Variants in SMAP2 observed in about 807,000 individuals in gnomAD.
SMAP2 encodes the protein small ArfGAP2.
A neutral mutation model predicts 56.4 loss-of-function variants in SMAP2; 25 were observed. The ratio of observed to expected loss-of-function variants is 0.44; its 90% CI spans 0.32 to 0.62. SMAP2 has a LOEUF of 0.62. Ranked by LOEUF, SMAP2 falls within the 20% of genes least tolerant of loss-of-function variation. SMAP2 has a pLI of 0.04. For synonymous variants in SMAP2, 157 were observed against 181.7 expected, an observed-to-expected ratio of 0.86 and a Z score of 1.09; for missense variants, 388 against 545.6, an observed-to-expected ratio of 0.71 and a Z score of 2.88.
At chr1:40,403,043 TA>T (rs1184597586) in intron 1 of SMAP2, among the ~76,000 whole-genome samples, 1 of 152,084 alleles carries the variant, frequency 6.6e-6, no homozygotes, top group Non-Finnish European at 1.5e-5. Context: ...GGTGAGGGTT[TA>T]AAAAGTGCAT....
chr1:40,403,634 A>G, intron 1 of SMAP2: 1 of 984,078 alleles, frequency 1.0e-6, no homozygotes. Flanking sequence ...ACCTTATTCT[A>G]TACCACATCC....
At chr1:40,351,243 G>C (rs758282252) in intron 1 of SMAP2, among the ~76,000 whole-genome samples, 4 of 152,198 alleles carry the variant, frequency 2.6e-5, no homozygotes, top group Non-Finnish European at 5.9e-5. Context: ...TTATTGGAGA[G>C]AGGAGGGACT....
chr1:40,415,495 G>C lies in SMAP2; in HGVS notation c.681+114G>C, dbSNP rs1437751698. 2.5e-5 allele frequency: 19 copies of C among 751,598 alleles called. No homozygotes were observed. The Admixed American group carries it at 2.7e-4, about 11-fold the overall frequency. 46.6% of individuals were successfully genotyped at this position (751,598 alleles called of 1,614,324 possible). On this transcript the variant is annotated intron_variant, in intron 7 of 9. Coordinates refer to ENST00000372718, the MANE Select transcript of SMAP2 (RefSeq NM_022733.3). ...GGTGGAGTTGGACTTTGGTTTTCTT[G>C]ATTCTTCATTCTTCCCTTAACATTG...
At position 40,374,071 on chromosome 1, in the gene SMAP2, C is replaced by T; in HGVS notation, c.-50C>T. The T allele has an allele frequency of 5.5e-6, 8 of 1,463,192 alleles. No homozygotes were observed. Among genetic ancestry groups the T allele is most frequent in the Non-Finnish European group, 7.6e-6 (8 of 1,056,780 alleles). 90.6% of individuals were successfully genotyped at this position (1,463,192 alleles called of 1,614,324 possible). On this transcript the variant is annotated 5_prime_UTR_variant, in exon 1 of 10. Transcript: ENST00000372718. The surrounding 1 kb of genome is among the most constrained non-coding windows in gnomAD (Gnocchi z 5.9). Reference sequence around the variant, plus strand: ...CAACCCCGGACTGAGGCAGGGGTCTCTGGGGGCGAGGAGGGCGCGTCGCCC... The same window carrying T: ...CAACCCCGGACTGAGGCAGGGGTCTTTGGGGGCGAGGAGGGCGCGTCGCCC...
chr1:40,359,188 T>C (rs1644449058), intron 1 of SMAP2, among the ~76,000 whole-genome samples: 1 of 152,214 alleles, frequency 6.6e-6, no homozygotes, highest in South Asian at 2.1e-4. Context: ...CTGCAACCTC[T>C]GTCTCCCAGG....
chr1:40,387,652 A>G (rs1485939701), intron 1 of SMAP2, among the ~76,000 whole-genome samples: 1 of 152,116 alleles, frequency 6.6e-6, no homozygotes, highest in Non-Finnish European at 1.5e-5. Flanking sequence ...CCACAGCAAG[A>G]TGGGCCGGCA....
chr1:40,398,251 C>T (rs1332159536), intron 1 of SMAP2, among the ~76,000 whole-genome samples: 1 of 151,486 alleles, frequency 6.6e-6, no homozygotes, highest in African/African-American at 2.4e-5. Flanking sequence ...TATTTTTTGA[C>T]AAGGTCTCAC....
intron 1 of SMAP2, among the ~76,000 whole-genome samples, chr1:40,350,314 C>T (rs1644404673): frequency 6.6e-6 from 1 of 152,082 alleles, no homozygotes; most frequent in Non-Finnish European, 1.5e-5. Context: ...TATACAAGTA[C>T]CAGACACATA....
At chr1:40,416,718 A>G (rs1454523386) in intron 8 of SMAP2, 62 bp from the exon 9 acceptor site, 2 of 1,492,446 alleles carry the variant, frequency 1.3e-6, no homozygotes, top group Non-Finnish European at 9.1e-7. Flanking sequence ...AGCCAGGGAG[A>G]GTTCGGGCTG....
chr1:40,363,552 TAGA>T (rs1644467924), intron 2 of SMAP2, among the ~76,000 whole-genome samples: 1 of 151,766 alleles, frequency 6.6e-6, no homozygotes, highest in Non-Finnish European at 1.5e-5. Flanking sequence ...TGGCCAAAAA[TAGA>T]AGACCTCACC....
intron 1 of SMAP2, among the ~76,000 whole-genome samples, chr1:40,404,564 A>T (rs1644867651): frequency 6.6e-6 from 1 of 152,178 alleles, no homozygotes; most frequent in Non-Finnish European, 1.5e-5. Context: ...ACAGTGTAAC[A>T]TTTCACAGCT....
intron 1 of SMAP2, among the ~76,000 whole-genome samples, chr1:40,383,243 AG>A (rs1357747852): frequency 6.6e-6 from 1 of 152,212 alleles, no homozygotes; most frequent in Non-Finnish European, 1.5e-5. Context: ...TGTGAGCGGA[AG>A]CATGGAAAGA....
In SMAP2 at chr1:40,416,893, G is replaced by A. The variant is rs1296846015; in HGVS notation, c.961G>A (p.Val321Ile). 1.2e-5 allele frequency: 20 copies of A among 1,614,210 alleles called. No individual in the cohort carries two copies. The highest frequency in any genetic ancestry group is 1.5e-5 in the Non-Finnish European group (18 of 1,180,022). Residue 321 changes from valine (V) to isoleucine (I), a missense_variant, in exon 9 of 10, where the codon GTT becomes ATT. By Grantham distance (29) the Val-to-Ile change is conservative. Transcript: ENST00000372718. The stretch of plus-strand genomic sequence containing the variant: ...CATGATGCCTCCACCAGTAGGCATG[G>A]TTGCTCAGCCAGGAGCTTCTGGGAT... Reference protein sequence around the residue: ...GSMMPPPVGMVAQPGASGMVA... With the variant: ...GSMMPPPVGMIAQPGASGMVA...
At chr1:40,407,633 A>G (rs1227403917) in intron 2 of SMAP2, among the ~76,000 whole-genome samples, 2 of 152,220 alleles carry the variant, frequency 1.3e-5, no homozygotes, top group African/African-American at 2.4e-5. Context: ...ATTAAAATGT[A>G]TCCATTTTTG....
chr1:40,415,986 G>T (rs772508333), intron 7 of SMAP2, among the ~76,000 whole-genome samples, 190 bp from the exon 8 acceptor site: 1 of 152,170 alleles, frequency 6.6e-6, no homozygotes, highest in Non-Finnish European at 1.5e-5. Flanking sequence ...TTGGTGAAAG[G>T]AAAGAATTGT....
At chr1:40,346,227 CT>C (rs1281472728) in intron 1 of SMAP2, among the ~76,000 whole-genome samples, 1 of 151,788 alleles carries the variant, frequency 6.6e-6, no homozygotes, top group Admixed American at 6.6e-5. Flanking sequence ...CCCTTCACCC[CT>C]ATATAAATAC....
Position 40,415,358 on chromosome 1 carries a change from CCTT to C in SMAP2, c.666_668del (p.Ser223del), listed in dbSNP as rs764601501. The stretch of plus-strand genomic sequence containing the variant: ...AGATCTGTTGGCCTCTGTTCCATCC[CCTT>C]CTTCTTCCGGTTCCAGAAAGGTGAG... On this transcript the variant is annotated inframe_deletion, in exon 7 of 10. Coordinates refer to ENST00000372718, the MANE Select transcript of SMAP2 (RefSeq NM_022733.3). 7.4e-6 allele frequency: 12 copies of C among 1,612,400 alleles called. No individual in the cohort carries two copies. The highest frequency in any genetic ancestry group is 4.4e-5 in the South Asian group (4 of 91,036).
rs182262924 is a variant in SMAP2, at chr1:40,411,446, G to A, written c.403-1570G>A. 3.2e-3 allele frequency among the ~76,000 whole-genome samples: 481 copies of A among 152,294 alleles called. 1 individual carries two copies. Among genetic ancestry groups the A allele is most frequent in the African/African-American group, 0.011 (460 of 41,556 alleles). On this transcript the variant is annotated intron_variant, in intron 4 of 9. Coordinates refer to ENST00000372718, the MANE Select transcript of SMAP2 (RefSeq NM_022733.3). The stretch of plus-strand genomic sequence containing the variant: ...TGACGAAGGAGTAGAGTTGCTATTT[G>A]TACACAGCTATTGTGGAAACAGCAG...
At chr1:40,421,107 A>G (rs1645037779) in intron 9 of SMAP2, among the ~76,000 whole-genome samples, 1 of 150,964 alleles carries the variant, frequency 6.6e-6, no homozygotes, top group Admixed American at 6.6e-5. Context: ...ATAGGGAGGG[A>G]GAGAAAATAT....
Sources: allele counts gnomAD v4.1 joint callset (sites outside exome capture counted in the v4.1 genomes callset), GRCh38; gene constraint gnomAD v4.1.1; non-coding constraint Gnocchi (gnomAD v3.1); transcripts MANE v1.5; gene names NCBI Gene and HGNC (gene_info 2026-07-23, HGNC 2026-07-21).